KMT2B: variants seen among roughly 807,000 people sequenced by gnomAD.
KMT2B encodes the protein lysine methyltransferase 2B.
KMT2B carries 22 observed loss-of-function variants against 255.3 expected under a neutral mutation model. That is an observed-to-expected ratio of 0.09 (90% confidence interval 0.06 to 0.12). KMT2B has a LOEUF of 0.12. Among genes scored for constraint, KMT2B ranks in the 10% least tolerant of loss-of-function variants. KMT2B has a pLI of 1.00. For missense variants in KMT2B, 3,149 were observed against 3,737.0 expected (o/e 0.84, Z 4.10); for synonymous variants, 1,730 against 1,498.1 (o/e 1.15, Z -3.57).
chr19:35,727,585 G>T lies in KMT2B; in HGVS notation c.4265G>T (p.Ser1422Ile). ...GLRQVLQGLL[S>I]SKVVGPLLLC... ...CGCCAGGTGCTCCAGGGCCTGCTGAGCTCCAAGGTGGTGGGCCCACTGCTG... is the reference window on the plus strand; with the variant it reads ...CGCCAGGTGCTCCAGGGCCTGCTGATCTCCAAGGTGGTGGGCCCACTGCTG... Residue 1422 changes from serine (S) to isoleucine (I), a missense_variant, in exon 16 of 37, where the codon AGC becomes ATC. Transcript: ENST00000420124. This position sits in a 1 kb window ranked among gnomAD's most constrained non-coding sequence, Gnocchi z 4.2. The T allele has an allele frequency of 6.2e-7, 1 of 1,606,024 alleles. No homozygotes were observed. The highest frequency in any genetic ancestry group is 8.5e-7 in the Non-Finnish European group (1 of 1,177,440).
rs779409723 is a variant in KMT2B at position 35,732,390 on chromosome 19, C to T, written c.5841C>T (p.Val1947=). The T allele has an allele frequency of 5.0e-6, 8 of 1,613,214 alleles. No individual in the cohort carries two copies. The highest frequency in any genetic ancestry group is 2.7e-5 in the African/African-American group (2 of 75,016). The change falls in exon 28 of 37, where the codon GTC becomes GTT. Residue 1947 remains valine, a synonymous_variant. Coordinates refer to ENST00000420124, the MANE Select transcript of KMT2B (RefSeq NM_014727.3). Reference sequence around the variant, plus strand: ...TCAGGGTGCCCCCTCCTACCTCAGTCGTCACAGCCCTCACACCTACCTCAG... The same window carrying T: ...TCAGGGTGCCCCCTCCTACCTCAGTTGTCACAGCCCTCACACCTACCTCAG... The part of the protein sequence containing the change: ...PQLRVPPPTS[V]VTALTPTSGE...
rs758363304 is a variant in KMT2B at position 35,727,996 on chromosome 19, C to T, written c.4497+11C>T. The T allele has an allele frequency of 2.6e-6, 4 of 1,553,526 alleles. No individual in the cohort carries two copies. Among genetic ancestry groups the T allele is most frequent in the African/African-American group, 1.4e-5 (1 of 73,730 alleles). On this transcript the variant is annotated intron_variant, in intron 18 of 36. Transcript: ENST00000420124. The surrounding 1 kb of genome is among the most constrained non-coding windows in gnomAD (Gnocchi z 4.2). ...GGGCTCCTGCTGAAGGTGAGCTCTT[C>T]CGGGGATGCTTGTGGGGTGGGGGAG... is the stretch of plus-strand genomic sequence containing the variant.
Position 35,732,508 on chromosome 19 carries a change from A to C in KMT2B, c.5959A>C (p.Ser1987Arg). Reference protein sequence around the residue: ...FEDMEVVSGLSAADLDFAASL... With the variant: ...FEDMEVVSGLRAADLDFAASL... ...GGACATGGAGGTGGTGTCAGGACTG[A>C]GTGCTGCTGACCTGGACTTCGCGGC... is the stretch of plus-strand genomic sequence containing the variant. The change falls in exon 28 of 37, where the codon AGT becomes CGT. Residue 1987 changes from serine (S) to arginine (R), a missense_variant. Ser to Arg is a moderately radical substitution (Grantham distance 110). Around this residue, in one of 18 missense-constraint regions of KMT2B, gnomAD observed 897 missense variants for 825.3 expected, o/e 1.09. Transcript: ENST00000420124. 1 of 1,613,888 alleles carries C rather than the reference A, an allele frequency of 6.2e-7. No individual in the cohort carries two copies. The highest frequency in any genetic ancestry group is 8.5e-7 in the Non-Finnish European group (1 of 1,179,868).
In KMT2B at chr19:35,727,948, G is replaced by A. The variant is rs753899619; in HGVS notation, c.4460G>A (p.Arg1487His). 33 of 1,586,862 alleles carry A rather than the reference G, an allele frequency of 2.1e-5. No homozygotes were observed. Among genetic ancestry groups the A allele is most frequent in the Middle Eastern group, 3.3e-4 (2 of 6,030 alleles). ...TCGGAGGAGGGAGAGACCCCGGACCGCCGGGCTGGAGGCCAGATGAAGGGG... is the reference window on the plus strand; with the variant it reads ...TCGGAGGAGGGAGAGACCCCGGACCACCGGGCTGGAGGCCAGATGAAGGGG... ...RHSEEGETPD[R>H]RAGGQMKGLL... The change falls in exon 18 of 37, where the codon CGC becomes CAC. Residue 1487 changes from arginine (R) to histidine (H), a missense_variant. Around this residue, in one of 18 missense-constraint regions of KMT2B, gnomAD observed 377 missense variants for 471.0 expected, o/e 0.80. Coordinates refer to ENST00000420124, the MANE Select transcript of KMT2B (RefSeq NM_014727.3). This position sits in a 1 kb window ranked among gnomAD's most constrained non-coding sequence, Gnocchi z 4.2.
In KMT2B at chr19:35,719,852, G is replaced by T; in HGVS notation, c.505G>T (p.Val169Leu). Residue 169 changes from valine (V) to leucine (L), a missense_variant, in exon 3 of 37, where the codon GTG becomes TTG. This residue lies in a region of KMT2B where 1,188 missense variants were observed against 1,106.4 expected (regional missense o/e 1.07). Coordinates refer to ENST00000420124, the MANE Select transcript of KMT2B (RefSeq NM_014727.3). ...CCTTCCTCCTCCTCGCCTAGCAGAT[G>T]TGGCTCCTACCCCCCCAAAGACCCC... ...TPLPPPRLAD[V>L]APTPPKTPAR... The T allele has an allele frequency of 6.2e-7, 1 of 1,613,204 alleles. No individual in the cohort carries two copies. Among genetic ancestry groups the T allele is most frequent in the Non-Finnish European group, 8.5e-7 (1 of 1,179,804 alleles).
At position 35,727,381 on chromosome 19, in the gene KMT2B, C is replaced by A; in HGVS notation, c.4118-57C>A. On this transcript the variant is annotated intron_variant, in intron 15 of 36. Coordinates refer to ENST00000420124, the MANE Select transcript of KMT2B (RefSeq NM_014727.3). The surrounding 1 kb of genome is among the most constrained non-coding windows in gnomAD (Gnocchi z 4.2). ...AGGGTCCTTGCTGGCCTAGGGGCTG[C>A]TGGGAGCCCTCACATCCTCTGAAAC... is the stretch of plus-strand genomic sequence containing the variant. The A allele has an allele frequency of 6.2e-7, 1 of 1,600,258 alleles. No individual in the cohort carries two copies. Among genetic ancestry groups the A allele is most frequent in the Non-Finnish European group, 8.6e-7 (1 of 1,168,278 alleles).
chr19:35,734,825 G>A (rs1182780358), intron 30 of KMT2B, among the ~76,000 whole-genome samples: 1 of 152,172 alleles, frequency 6.6e-6, no homozygotes, highest in Non-Finnish European at 1.5e-5. Flanking sequence ...GCCCAATCCT[G>A]TCCAGATGTT....
rs753284647 is a variant in KMT2B at position 35,737,954 on chromosome 19, T to TG, written c.7742+19dup. On this transcript the variant is annotated intron_variant, in intron 35 of 36. Coordinates refer to ENST00000420124, the MANE Select transcript of KMT2B (RefSeq NM_014727.3). This position sits in a 1 kb window ranked among gnomAD's most constrained non-coding sequence, Gnocchi z 5.3. ...GTGGGTGTCTACAGGTGAGTGGGGTTGGGGGGGAGGATGCCCCTTGGGTGG... is the reference window on the plus strand; with the variant it reads ...GTGGGTGTCTACAGGTGAGTGGGGTTGGGGGGGGAGGATGCCCCTTGGGTGG... 30 of 1,603,072 alleles carry TG rather than the reference T, an allele frequency of 1.9e-5. No homozygotes were observed. Among genetic ancestry groups the TG allele is most frequent in the African/African-American group, 2.7e-5 (2 of 74,614 alleles).
chr19:35,730,114 C>T lies in KMT2B; in HGVS notation c.5065C>T (p.Leu1689=). 1.2e-6 allele frequency: 2 copies of T among 1,613,642 alleles called. No homozygotes were observed. Among genetic ancestry groups the T allele is most frequent in the Non-Finnish European group, 1.7e-6 (2 of 1,179,756 alleles). The part of the protein sequence containing the change: ...KVFCQKHTDL[L]DGKEIVNPDG... ...CTTCTGCCAGAAACACACTGATCTC[C>T]TGGATGGCAAGGTGGGCCAGAACTG... is the stretch of plus-strand genomic sequence containing the variant. Residue 1689 remains leucine, a synonymous_variant, in exon 23 of 37, where the codon CTG becomes TTG. Coordinates refer to ENST00000420124, the MANE Select transcript of KMT2B (RefSeq NM_014727.3).
rs777181904 is a variant in KMT2B at position 35,719,891 on chromosome 19, G to A, written c.544G>A (p.Gly182Ser). The change falls in exon 3 of 37, where the codon GGT (glycine) becomes AGT (serine). Residue 182 changes from glycine (G) to serine (S), a missense_variant. Gly to Ser is a moderately conservative substitution (Grantham distance 56). This residue lies in a region of KMT2B where 1,188 missense variants were observed against 1,106.4 expected (regional missense o/e 1.07). Transcript: ENST00000420124. The part of the protein sequence containing the change: ...TPPKTPARKR[G>S]EEGTERMVQA... The stretch of plus-strand genomic sequence containing the variant: ...CCCAAAGACCCCTGCCCGGAAACGG[G>A]GTGAGGAAGGCACAGAACGGATGGT... The A allele has an allele frequency of 6.2e-7, 1 of 1,613,446 alleles. No individual in the cohort carries two copies. The highest frequency in any genetic ancestry group is 1.1e-5 in the South Asian group (1 of 91,078).
chr19:35,731,050 G>A (rs926696180), intron 26 of KMT2B, among the ~76,000 whole-genome samples, 183 bp downstream of exon 26: 4 of 152,280 alleles, frequency 2.6e-5, no homozygotes, highest in Non-Finnish European at 5.9e-5. Flanking sequence ...GCTTTTCATG[G>A]GAAGTGAGGT....
In KMT2B at chr19:35,738,741, C is replaced by T. The variant is rs1177047351; in HGVS notation, c.*184C>T. On this transcript the variant is annotated 3_prime_UTR_variant, in exon 37 of 37. Transcript: ENST00000420124. The surrounding 1 kb of genome is among the most constrained non-coding windows in gnomAD (Gnocchi z 8.7). ...CCCCTCCAGCCCATCCAGCAATCGC[C>T]CCCTTTCTGCCCTGGGGGCCCAGGA... The T allele has an allele frequency of 7.9e-6, 5 of 636,032 alleles. No individual in the cohort carries two copies. The highest frequency in any genetic ancestry group is 3.7e-5 in the African/African-American group (2 of 54,560). The allele number at this position is 636,032 out of a possible 1,614,324, so 39.4% of individuals were successfully genotyped here.
At position 35,721,626 on chromosome 19, in the gene KMT2B, T is replaced by C. The variant is rs1453478048; in HGVS notation, c.2279T>C (p.Leu760Pro). 6.2e-7 allele frequency: 1 copy of C among 1,612,796 alleles called. No individual in the cohort carries two copies. Among genetic ancestry groups the C allele is most frequent in the African/African-American group, 1.3e-5 (1 of 74,908 alleles). The change falls in exon 3 of 37, where the codon CTG (leucine) becomes CCG (proline). Residue 760 changes from leucine to proline, a missense_variant. Transcript: ENST00000420124. ...GCACTACCGCCACCACAGCCACAGC[T>C]GCAGCCACCGCCGTCACCACAGCAG... ...PQALPPPQPQ[L>P]QPPPSPQQMP... is the part of the protein sequence containing the mutation.
At position 35,727,393 on chromosome 19, in the gene KMT2B, A is replaced by G. The variant is rs780336716; in HGVS notation, c.4118-45A>G. The G allele has an allele frequency of 5.6e-6, 9 of 1,607,438 alleles. No homozygotes were observed. The highest frequency in any genetic ancestry group is 7.7e-6 in the Non-Finnish European group (9 of 1,174,796). On this transcript the variant is annotated intron_variant, in intron 15 of 36. Coordinates refer to ENST00000420124, the MANE Select transcript of KMT2B (RefSeq NM_014727.3). The surrounding 1 kb of genome is among the most constrained non-coding windows in gnomAD (Gnocchi z 4.2). The stretch of plus-strand genomic sequence containing the variant: ...GGCCTAGGGGCTGCTGGGAGCCCTC[A>G]CATCCTCTGAAACCACTTTTCCCTT...
chr19:35,738,727 C>T lies in KMT2B; in HGVS notation c.*170C>T. The T allele has an allele frequency of 1.4e-6, 1 of 705,000 alleles. No individual in the cohort carries two copies. The highest frequency in any genetic ancestry group is 2.3e-6 in the Non-Finnish European group (1 of 433,056). 43.7% of individuals were successfully genotyped at this position (705,000 alleles called of 1,614,324 possible). ...GGGCCCTGCCTCCACCCCTCCAGCC[C>T]ATCCAGCAATCGCCCCCTTTCTGCC... is the stretch of plus-strand genomic sequence containing the variant. On this transcript the variant is annotated 3_prime_UTR_variant, in exon 37 of 37. Transcript: ENST00000420124. This position sits in a 1 kb window ranked among gnomAD's most constrained non-coding sequence, Gnocchi z 8.7.
At chr19:35,730,952 A>G in intron 26 of KMT2B, 85 bp downstream of exon 26, 22 of 1,407,882 alleles carry the variant, frequency 1.6e-5, no homozygotes, top group Non-Finnish European at 2.1e-5. Flanking sequence ...CCTTTTGGAA[A>G]GTCCAGGAGG....
rs751154633 is a variant in KMT2B at position 35,729,263 on chromosome 19, T to C, written c.4884T>C (p.Asn1628=). The part of the protein sequence containing the change: ...VFEENDGSLK[N]VHAAVARGRQ... ...AGGAGAACGACGGCTCCCTCAAGAA[T>C]GTGCATGCTGCTGTGGCCCGAGGGA... The change falls in exon 22 of 37, where the codon AAT becomes AAC. Residue 1628 remains asparagine, a synonymous_variant. Coordinates refer to ENST00000420124, the MANE Select transcript of KMT2B (RefSeq NM_014727.3). 7 of 1,603,032 alleles carry C rather than the reference T, an allele frequency of 4.4e-6. No individual in the cohort carries two copies. In the East Asian group the frequency reaches 6.8e-5, roughly 15 times the overall value.
intron 8 of KMT2B, among the ~76,000 whole-genome samples, chr19:35,724,235 C>T (rs758525806): frequency 3.9e-5 from 6 of 152,118 alleles, no homozygotes; most frequent in South Asian, 2.1e-4. Context: ...TGCAGTGGCT[C>T]ACACTTGTAA....
In KMT2B at chr19:35,719,559, T is replaced by G. The variant is rs1969096550; in HGVS notation, c.436+18T>G. 2 of 1,577,546 alleles carry G rather than the reference T, an allele frequency of 1.3e-6. No homozygotes were observed. Among genetic ancestry groups the G allele is most frequent in the Non-Finnish European group, 8.6e-7 (1 of 1,159,998 alleles). ...CCAGCGAGGTGAGTGACGGGGGAAC[T>G]CCACCTCTTTAGCGTCACAGGAATT... On this transcript the variant is annotated intron_variant, in intron 2 of 36. Coordinates refer to ENST00000420124, the MANE Select transcript of KMT2B (RefSeq NM_014727.3).
Sources: allele counts gnomAD v4.1 joint callset (sites outside exome capture counted in the v4.1 genomes callset), GRCh38; gene constraint gnomAD v4.1.1; regional missense constraint gnomAD v4.1.1; non-coding constraint Gnocchi (gnomAD v3.1); transcripts MANE v1.5; gene names NCBI Gene and HGNC (gene_info 2026-07-23, HGNC 2026-07-21).